Variants in MGAT5 observed in about 807,000 individuals in gnomAD.
MGAT5 encodes alpha-1,6-mannosylglycoprotein 6-beta-N-acetylglucosaminyltransferase A.
Under a neutral mutation model 94.3 loss-of-function variants are expected in MGAT5, and 30 were observed. That is an observed-to-expected ratio of 0.32 (90% confidence interval 0.24 to 0.43). The LOEUF (loss-of-function observed/expected upper bound fraction) is 0.43, where lower values mean the gene tolerates loss of function less well. Among genes scored for constraint, MGAT5 ranks in the 20% least tolerant of loss-of-function variants. MGAT5 has a pLI of 1.00. For synonymous variants in MGAT5, 310 were observed against 322.9 expected, an observed-to-expected ratio of 0.96 and a Z score of 0.43; for missense variants, 691 against 905.5, an observed-to-expected ratio of 0.76 and a Z score of 3.04.
chr2:134,325,783 C>T (rs903167454), intron 4 of MGAT5, among the ~76,000 whole-genome samples: 18 of 151,916 alleles, frequency 1.2e-4, no homozygotes, highest in African/African-American at 4.1e-4. Flanking sequence ...GGTTCTCTTC[C>T]GTCTCTTACT....
intron 14 of MGAT5, among the ~76,000 whole-genome samples, chr2:134,437,862 A>C (rs980873934): frequency 8.5e-5 from 13 of 152,076 alleles, no homozygotes; most frequent in African/African-American, 3.1e-4. Flanking sequence ...TAAAAATACA[A>C]AAATTAGCTG....
rs1228974795 is a variant in MGAT5 at position 134,164,832 on chromosome 2, C to T, written c.-143+44541C>T. On this transcript the variant is annotated intron_variant, in intron 1 of 16. Coordinates refer to the MGAT5 transcript ENST00000409645. ...TTCCAGCCTGGGCAACATAGTGACA[C>T]CCGTCTCAAAAAAAAAAAACCAAAC... 5.3e-4 allele frequency among the ~76,000 whole-genome samples: 78 copies of T among 147,654 alleles called. 1 individual carries two copies. The highest frequency in any genetic ancestry group is 1.4e-4 in the Non-Finnish European group (9 of 66,050).
chr2:134,398,023 G>A (rs1231249061), intron 10 of MGAT5, among the ~76,000 whole-genome samples: 3 of 152,158 alleles, frequency 2.0e-5, no homozygotes, highest in Non-Finnish European at 4.4e-5. Flanking sequence ...CAGGTAACAG[G>A]CCGATTTCCA....
intron 10 of MGAT5, among the ~76,000 whole-genome samples, chr2:134,374,386 A>G (rs992711928): frequency 3.9e-5 from 6 of 152,216 alleles, no homozygotes; most frequent in African/African-American, 1.4e-4. Context: ...ACACCTTGAA[A>G]CATAGGCCCT....
chr2:134,411,665 C>T (rs570262279), intron 11 of MGAT5, among the ~76,000 whole-genome samples: 1 of 152,332 alleles, frequency 6.6e-6, no homozygotes, highest in South Asian at 2.1e-4. Context: ...TTGGGCCTGG[C>T]ACCCTCCAGC....
At chr2:134,247,387 G>C (rs1455166151) in intron 1 of MGAT5, among the ~76,000 whole-genome samples, 1 of 100,220 alleles carries the variant, frequency 1.0e-5, no homozygotes, top group Non-Finnish European at 2.3e-5. Context: ...AAAAAAAAAC[G>C]TAAACTAGAC....
At chr2:134,390,015 C>T (rs1047951583) in intron 10 of MGAT5, among the ~76,000 whole-genome samples, 1 of 152,102 alleles carries the variant, frequency 6.6e-6, no homozygotes, top group Non-Finnish European at 1.5e-5. Context: ...TTTTGCAAGC[C>T]TTCCATTCCA....
chr2:134,248,692 ATG>A (rs1682419910), intron 1 of MGAT5, among the ~76,000 whole-genome samples: 1 of 7,346 alleles, frequency 1.4e-4, no homozygotes, highest in Non-Finnish European at 2.7e-4. Context: ...TCCTATGTGA[ATG>A]TGTGAATGTG....
chr2:134,432,172 CT>C (rs936542056), intron 14 of MGAT5, among the ~76,000 whole-genome samples: 1 of 152,152 alleles, frequency 6.6e-6, no homozygotes, highest in Non-Finnish European at 1.5e-5. Context: ...TATAGCAGGA[CT>C]TTTTTGAAGG....
At chr2:134,182,449 T>A (rs1262824691) in intron 1 of MGAT5, among the ~76,000 whole-genome samples, 1 of 152,248 alleles carries the variant, frequency 6.6e-6, no homozygotes, top group Non-Finnish European at 1.5e-5. Context: ...TGACCCATGA[T>A]GGTCTTTGTG....
chr2:134,125,435 C>T (rs1478152858), intron 1 of MGAT5, among the ~76,000 whole-genome samples: 1 of 152,158 alleles, frequency 6.6e-6, no homozygotes, highest in Non-Finnish European at 1.5e-5. Flanking sequence ...TTCTTTCCAA[C>T]CTAAGCCGAG....
At chr2:134,341,299 C>T (rs1006094068) in intron 6 of MGAT5, among the ~76,000 whole-genome samples, 1 of 152,120 alleles carries the variant, frequency 6.6e-6, no homozygotes, top group African/African-American at 2.4e-5. Context: ...TCCTGTCTTA[C>T]CTTCCTTTAA....
At chr2:134,241,390 G>A (rs1050758162) in intron 1 of MGAT5, among the ~76,000 whole-genome samples, 2 of 152,352 alleles carry the variant, frequency 1.3e-5, no homozygotes, top group South Asian at 2.1e-4. Context: ...AAGTCCAGAT[G>A]TAAGAAATGC....
At chr2:134,271,416 G>A (rs964577943) in intron 2 of MGAT5, among the ~76,000 whole-genome samples, 1 of 152,072 alleles carries the variant, frequency 6.6e-6, no homozygotes, top group East Asian at 1.9e-4. Context: ...TTGGTGGGTG[G>A]TAGCCAAACT....
rs181783425 is a variant in MGAT5 at position 134,349,035 on chromosome 2, C to T, written c.1113-770C>T. 3.3e-5 allele frequency among the ~76,000 whole-genome samples: 5 copies of T among 152,222 alleles called. No individual in the cohort carries two copies. In the East Asian group the frequency reaches 5.8e-4, roughly 18 times the overall value. On this transcript the variant is annotated intron_variant, in intron 8 of 15. Coordinates refer to ENST00000281923, the MANE Select transcript of MGAT5 (RefSeq NM_002410.5). Reference sequence around the variant, plus strand: ...AACAGGGTGTGGCTGCATTCAAGTACAATTTTTATTTTCGAACATGAAAAT... The same window carrying T: ...AACAGGGTGTGGCTGCATTCAAGTATAATTTTTATTTTCGAACATGAAAAT...
intron 1 of MGAT5, among the ~76,000 whole-genome samples, chr2:134,124,932 T>A (rs978444262): frequency 6.6e-6 from 1 of 152,240 alleles, no homozygotes; most frequent in African/African-American, 2.4e-5. Context: ...ACAGACTTCT[T>A]ATAAGTCCTG....
At chr2:134,370,596 AG>A (rs1350836842) in intron 10 of MGAT5, among the ~76,000 whole-genome samples, 2 of 152,262 alleles carry the variant, frequency 1.3e-5, no homozygotes, top group African/African-American at 4.8e-5. Flanking sequence ...AGAGGCAGGG[AG>A]GAGTGTAGGC....
intron 1 of MGAT5, among the ~76,000 whole-genome samples, chr2:134,267,829 C>T (rs979211827): frequency 6.6e-6 from 1 of 152,198 alleles, no homozygotes; most frequent in African/African-American, 2.4e-5. Context: ...GTAGCAGTCC[C>T]TCCAGTGAAT....
At chr2:134,373,300 A>G (rs1296635991) in intron 10 of MGAT5, among the ~76,000 whole-genome samples, 1 of 152,224 alleles carries the variant, frequency 6.6e-6, no homozygotes, top group Non-Finnish European at 1.5e-5. Context: ...GAAGATGAGC[A>G]GTACAGGGAG....
Sources: gnomAD v4.1 joint callset for allele counts (sites outside exome capture counted in the v4.1 genomes callset) on GRCh38, gnomAD v4.1.1 for gene constraint, MANE v1.5 for transcripts, NCBI Gene and HGNC (gene_info 2026-07-23, HGNC 2026-07-21) for gene names.